KIF13A: variants seen among roughly 807,000 people sequenced by gnomAD.
The protein encoded by KIF13A is kinesin-like protein KIF13A.
A neutral mutation model predicts 212.2 loss-of-function variants in KIF13A; 79 were observed. The observed-to-expected ratio is 0.37, with a 90% CI of 0.31 to 0.45. The LOEUF (loss-of-function observed/expected upper bound fraction) is 0.45, where lower values mean the gene tolerates loss of function less well. Among genes scored for constraint, KIF13A ranks in the 20% least tolerant of loss-of-function variants. The pLI, the probability that KIF13A is intolerant of heterozygous loss-of-function variation, is 1.00. For synonymous variants in KIF13A, 789 were observed against 808.6 expected, an observed-to-expected ratio of 0.98 and a Z score of 0.41; for missense variants, 1,901 against 2,209.0, an observed-to-expected ratio of 0.86 and a Z score of 2.79.
rs1365392769 is a variant in KIF13A, at chr6:17,888,605, C to T, written c.159+9563G>A. On this transcript the variant is annotated intron_variant, in intron 3 of 38. Transcript: ENST00000259711. This position sits in a 1 kb window ranked among gnomAD's most constrained non-coding sequence, Gnocchi z 4.8. ...TTGGGAGGCCAAAGCGGGCAGATCA[C>T]TTGAGGCCGGGAGTTCGAGACCAGC... Among the ~76,000 whole-genome samples, 1 of 152,226 alleles carries T rather than the reference C, an allele frequency of 6.6e-6. No individual in the cohort carries two copies. Among genetic ancestry groups the T allele is most frequent in the Non-Finnish European group, 1.5e-5 (1 of 68,046 alleles).
At chr6:17,867,632 G>T (rs1345268074) in intron 4 of KIF13A, among the ~76,000 whole-genome samples, 1 of 152,198 alleles carries the variant, frequency 6.6e-6, no homozygotes, top group African/African-American at 2.4e-5. Flanking sequence ...TTGAGCACAA[G>T]AAGTGTGACT....
intron 2 of KIF13A, among the ~76,000 whole-genome samples, chr6:17,932,067 G>C (rs1776033012): frequency 6.6e-6 from 1 of 152,020 alleles, no homozygotes; most frequent in Non-Finnish European, 1.5e-5. Context: ...AGAAACTCTA[G>C]GGGAAGACAC....
chr6:17,901,490 A>G (rs1773056489), intron 2 of KIF13A, among the ~76,000 whole-genome samples: 1 of 152,224 alleles, frequency 6.6e-6, no homozygotes. Flanking sequence ...AACTCAGCCA[A>G]TCACTGCCAA....
At chr6:17,935,500 T>C (rs1240718826) in intron 2 of KIF13A, among the ~76,000 whole-genome samples, 1 of 152,208 alleles carries the variant, frequency 6.6e-6, no homozygotes, top group Non-Finnish European at 1.5e-5. Context: ...GGGCTGGGGC[T>C]GTGCAAACTA....
rs1761601200 is a variant in KIF13A at position 17,791,935 on chromosome 6, G to A, written c.3223-2025C>T. Among the ~76,000 whole-genome samples the A allele has an allele frequency of 2.0e-5, 3 of 148,804 alleles. No individual in the cohort carries two copies. In the Admixed American group the frequency reaches 2.0e-4, roughly 10 times the overall value. ...AAAAAAAAAAAGTACTGAGCGCAGTGGCTCACGCCTGTAATCCCAGCACTT... is the reference window on the plus strand; with the variant it reads ...AAAAAAAAAAAGTACTGAGCGCAGTAGCTCACGCCTGTAATCCCAGCACTT... On this transcript the variant is annotated intron_variant, in intron 25 of 38. Transcript: ENST00000259711.
intron 17 of KIF13A, among the ~76,000 whole-genome samples, chr6:17,814,437 C>T (rs372879141): frequency 4.4e-4 from 65 of 148,872 alleles, no homozygotes; most frequent in African/African-American, 1.6e-3. Context: ...TTAGTACAGA[C>T]GGGGTTTCAC....
At chr6:17,909,039 G>A (rs1482435897) in intron 2 of KIF13A, among the ~76,000 whole-genome samples, 3 of 152,174 alleles carry the variant, frequency 2.0e-5, no homozygotes, top group Middle Eastern at 3.2e-3. Flanking sequence ...ATGAGGTGGC[G>A]TGGGTAATGC....
rs1764935005 is a variant in KIF13A, at chr6:17,826,043, A to G, written c.1614T>C (p.Phe538=). Residue 538 remains phenylalanine, a synonymous_variant, in exon 15 of 39, where the codon TTT becomes TTC. Transcript: ENST00000259711. The surrounding 1 kb of genome is among the most constrained non-coding windows in gnomAD (Gnocchi z 4.7). ...GDRILWGNNH[F]FRINLPKRKR... The stretch of plus-strand genomic sequence containing the variant: ...ACAGAACACAAAGATGTTACCTAAA[A>G]AAGTGATTATTTCCCCATAGGATTC... 1 of 1,613,796 alleles carries G rather than the reference A, an allele frequency of 6.2e-7. No individual in the cohort carries two copies. The highest frequency in any genetic ancestry group is 8.5e-7 in the Non-Finnish European group (1 of 1,179,794).
chr6:17,813,159 G>A (rs1405302688), intron 17 of KIF13A, among the ~76,000 whole-genome samples: 1 of 152,152 alleles, frequency 6.6e-6, no homozygotes, highest in Admixed American at 6.5e-5. Flanking sequence ...ACTTTTGTCT[G>A]TTTCTTCCAG....
intron 2 of KIF13A, among the ~76,000 whole-genome samples, chr6:17,966,584 T>C (rs1406660777): frequency 2.0e-5 from 3 of 151,420 alleles, no homozygotes; most frequent in Admixed American, 6.6e-5. Flanking sequence ...TGAATAAATA[T>C]AGAGTGTCTC....
In KIF13A at chr6:17,764,208, A is replaced by T; in HGVS notation, c.5320T>A (p.Ser1774Thr). Residue 1774 changes from serine to threonine, a missense_variant, in exon 39 of 39, where the codon TCC (serine) becomes ACC (threonine). This residue lies in a region of KIF13A where 687 missense variants were observed against 759.1 expected (regional missense o/e 0.90). Coordinates refer to ENST00000259711, the MANE Select transcript of KIF13A (RefSeq NM_022113.6). The surrounding 1 kb of genome is among the most constrained non-coding windows in gnomAD (Gnocchi z 5.1). ...LPNKTGGKTVSDGLHHPSQLH... is the reference protein window; with the variant it reads ...LPNKTGGKTVTDGLHHPSQLH... ...TGGCTGGGGTGGTGGAGCCCATCGG[A>T]GACAGTCTTGCCGCCTGTTTTATTT... 1 of 1,613,970 alleles carries T rather than the reference A, an allele frequency of 6.2e-7. No homozygotes were observed. The highest frequency in any genetic ancestry group is 8.5e-7 in the Non-Finnish European group (1 of 1,179,884).
chr6:17,900,309 CA>C lies in KIF13A; in HGVS notation c.147-2130del, dbSNP rs1432151177. On this transcript the variant is annotated intron_variant, in intron 2 of 38. Transcript: ENST00000259711. The surrounding 1 kb of genome is among the most constrained non-coding windows in gnomAD (Gnocchi z 4.6). The stretch of plus-strand genomic sequence containing the variant: ...GCTGGTTTGTAGTCAGTAGTACGTT[CA>C]CCTTCTTAGCTGTCAATAACAAAAT... Among the ~76,000 whole-genome samples the C allele has an allele frequency of 6.6e-6, 1 of 152,232 alleles. No individual in the cohort carries two copies. The highest frequency in any genetic ancestry group is 2.4e-5 in the African/African-American group (1 of 41,456).
At chr6:17,841,471 A>T (rs75926079) in intron 9 of KIF13A, among the ~76,000 whole-genome samples, 9,451 of 152,236 alleles carry the variant, frequency 0.062, 368 homozygotes, top group Middle Eastern at 0.088. Flanking sequence ...TCTCTTGTTA[A>T]TCTGTCTTTG....
At chr6:17,791,770 C>G (rs537395587) in intron 25 of KIF13A, among the ~76,000 whole-genome samples, 2 of 150,502 alleles carry the variant, frequency 1.3e-5, no homozygotes, top group East Asian at 3.9e-4. Context: ...TGTGGTGGTG[C>G]GGGCCTGTAA....
In KIF13A at chr6:17,786,846, C is replaced by T. The variant is rs1761101295; in HGVS notation, c.3361+930G>A. Among the ~76,000 whole-genome samples, 1 of 152,176 alleles carries T rather than the reference C, an allele frequency of 6.6e-6. No individual in the cohort carries two copies. Among genetic ancestry groups the T allele is most frequent in the Non-Finnish European group, 1.5e-5 (1 of 68,026 alleles). On this transcript the variant is annotated intron_variant, in intron 27 of 38. Transcript: ENST00000259711. The surrounding 1 kb of genome is among the most constrained non-coding windows in gnomAD (Gnocchi z 5.4). ...TTTCCTGAGGGAGACTTTCTGCTAG[C>T]TTCTACATGAAATGGATTAACATGC...
rs1436511218 is a variant in KIF13A, at chr6:17,883,927, C to T, written c.160-10490G>A. Among the ~76,000 whole-genome samples, 1 of 151,786 alleles carries T rather than the reference C, an allele frequency of 6.6e-6. No homozygotes were observed. ...TGGACAACCTAGTGAGATCCCATTG[C>T]TAAAAGGAAATAATAATATTAACAA... On this transcript the variant is annotated intron_variant, in intron 3 of 38. Transcript: ENST00000259711. The surrounding 1 kb of genome is among the most constrained non-coding windows in gnomAD (Gnocchi z 4.8).
rs1003145997 is a variant in KIF13A, at chr6:17,771,377, G to C, written c.4477-159C>G. On this transcript the variant is annotated intron_variant, in intron 37 of 38. Transcript: ENST00000259711. The surrounding 1 kb of genome is among the most constrained non-coding windows in gnomAD (Gnocchi z 5.4). Reference sequence around the variant, plus strand: ...CAGGCCAGAGTTAAACTACTGGAGAGATATGACAGGAATAAACAGATTCTG... The same window carrying C: ...CAGGCCAGAGTTAAACTACTGGAGACATATGACAGGAATAAACAGATTCTG... 3.5e-6 allele frequency: 2 copies of C among 579,134 alleles called. No individual in the cohort carries two copies. Among genetic ancestry groups the C allele is most frequent in the African/African-American group, 3.8e-5 (2 of 52,320 alleles). The allele number at this position is 579,134 out of a possible 1,614,324, so 35.9% of individuals were successfully genotyped here. A position where few individuals can be genotyped will look rare whatever the true frequency, so the allele number is the denominator to read the frequency against.
At chr6:17,937,827 C>A (rs1031050419) in intron 2 of KIF13A, among the ~76,000 whole-genome samples, 20 of 151,698 alleles carry the variant, frequency 1.3e-4, no homozygotes, top group Admixed American at 6.6e-4. Context: ...TCGGCCACCG[C>A]AACCTCCACC....
Position 17,914,489 on chromosome 6 carries a change from G to A in KIF13A, c.147-16309C>T, listed in dbSNP as rs539241209. Among the ~76,000 whole-genome samples the A allele has an allele frequency of 2.6e-5, 4 of 152,282 alleles. No homozygotes were observed. The highest frequency in any genetic ancestry group is 9.6e-5 in the African/African-American group (4 of 41,574). The stretch of plus-strand genomic sequence containing the variant: ...GTTTACATGGTCTATATGGGCATTT[G>A]CAAAATTAAAATCATACACATGCAA... On this transcript the variant is annotated intron_variant, in intron 2 of 38. Transcript: ENST00000259711. The surrounding 1 kb of genome is among the most constrained non-coding windows in gnomAD (Gnocchi z 5.9).
Sources: gnomAD v4.1 joint callset for allele counts (sites outside exome capture counted in the v4.1 genomes callset) on GRCh38, gnomAD v4.1.1 for gene constraint, gnomAD v4.1.1 regional missense constraint, Gnocchi (gnomAD v3.1) non-coding constraint, MANE v1.5 for transcripts, NCBI Gene and HGNC (gene_info 2026-07-23, HGNC 2026-07-21) for gene names.